SCG3: variants seen among roughly 807,000 people sequenced by gnomAD.
SCG3 encodes secretogranin-3.
In SCG3, 38 loss-of-function variants were observed where a neutral mutation model predicts 56.2. The ratio of observed to expected loss-of-function variants is 0.68; its 90% CI spans 0.52 to 0.89. The LOEUF is 0.89. Among genes scored for constraint, SCG3 ranks in the 40% least tolerant of loss-of-function variants. The pLI is 0.00. For missense variants in SCG3, 524 were observed against 540.7 expected (o/e 0.97, Z 0.31); for synonymous variants, 176 against 184.2 (o/e 0.96, Z 0.36).
At chr15:51,702,162 T>C (rs747163952) in intron 10 of SCG3, among the ~76,000 whole-genome samples, 4 of 152,222 alleles carry the variant, frequency 2.6e-5, no homozygotes, top group Non-Finnish European at 4.4e-5. Context: ...TTTTAAGGAC[T>C]TGATAAAAAT....
At chr15:51,704,240 C>CATATATATATATATATATATAT (rs1314214604) in intron 10 of SCG3, among the ~76,000 whole-genome samples, 1 of 58,822 alleles carries the variant, frequency 1.7e-5, no homozygotes, top group Non-Finnish European at 3.2e-5. Flanking sequence ...TACATACATA[C>CATATATATATATATATATATAT]ATACATATAT....
At chr15:51,699,716 A>G (rs545264142) in intron 9 of SCG3, among the ~76,000 whole-genome samples, 6 of 152,164 alleles carry the variant, frequency 3.9e-5, no homozygotes, top group Admixed American at 3.3e-4. Context: ...ATTCTCCTTT[A>G]GGTATCTTCT....
At chr15:51,699,510 G>A (rs764104864) in intron 9 of SCG3, 108 bp downstream of exon 9, 11 of 820,236 alleles carry the variant, frequency 1.3e-5, no homozygotes, top group Non-Finnish European at 1.9e-5. Flanking sequence ...TTTGAAAAGT[G>A]TTAAAATCTG....
At chr15:51,697,580 C>T (rs778752199) in intron 8 of SCG3, among the ~76,000 whole-genome samples, 4 of 152,128 alleles carry the variant, frequency 2.6e-5, no homozygotes, top group Non-Finnish European at 5.9e-5. Flanking sequence ...CTCATCATTG[C>T]AGAAAGTTCT....
At chr15:51,689,173 A>G in intron 5 of SCG3, 46 bp from the exon 6 acceptor site, 1 of 1,578,344 alleles carries the variant, frequency 6.3e-7, no homozygotes, top group Non-Finnish European at 8.7e-7. Flanking sequence ...TTTAATAACA[A>G]GACTGGGAAT....
Position 51,682,914 on chromosome 15 carries a change from A to T in SCG3, c.136-165A>T, listed in dbSNP as rs74013501. ...AACACTGACTGAGCATCTACCCTTA[A>T]TTTTATCTCATTTAATTATTATAAC... is the stretch of plus-strand genomic sequence containing the variant. On this transcript the variant is annotated intron_variant, in intron 2 of 11. Coordinates refer to ENST00000220478, the MANE Select transcript of SCG3 (RefSeq NM_013243.4). 5.4e-3 allele frequency among the ~76,000 whole-genome samples: 816 copies of T among 152,298 alleles called. 9 individuals carry two copies. The highest frequency in any genetic ancestry group is 0.019 in the African/African-American group (782 of 41,572).
intron 4 of SCG3, among the ~76,000 whole-genome samples, chr15:51,688,010 T>G (rs921001642): frequency 6.6e-6 from 1 of 152,216 alleles, no homozygotes; most frequent in African/African-American, 2.4e-5. Flanking sequence ...ACTACTTTTC[T>G]GTTGCCTTTA....
intron 11 of SCG3, among the ~76,000 whole-genome samples, chr15:51,717,943 C>T (rs2055468892): frequency 6.6e-6 from 1 of 152,168 alleles, no homozygotes; most frequent in Admixed American, 6.5e-5. Context: ...TTCCTTCCTC[C>T]AGGGTACAGG....
At chr15:51,697,938 C>A (rs2055314382) in intron 8 of SCG3, among the ~76,000 whole-genome samples, 1 of 152,074 alleles carries the variant, frequency 6.6e-6, no homozygotes, top group African/African-American at 2.4e-5. Flanking sequence ...ACCCTTAGAT[C>A]CCAAGGGGCT....
chr15:51,699,425 T>A (rs2055325798), intron 9 of SCG3, 23 bp downstream of exon 9: 1 of 1,460,094 alleles, frequency 6.8e-7, no homozygotes, highest in South Asian at 1.2e-5. Context: ...AACTATTTTT[T>A]TAGCCTTTAG....
intron 10 of SCG3, among the ~76,000 whole-genome samples, chr15:51,703,581 T>C (rs1411938930): frequency 6.6e-6 from 1 of 152,224 alleles, no homozygotes; most frequent in African/African-American, 2.4e-5. Flanking sequence ...GGATATTCTA[T>C]ACCCACTCTG....
chr15:51,695,096 G>C (rs1437913305), intron 7 of SCG3, among the ~76,000 whole-genome samples: 2 of 151,848 alleles, frequency 1.3e-5, no homozygotes, highest in Admixed American at 1.3e-4. Flanking sequence ...AAGGGAGTTA[G>C]AGGGGATGAG....
At chr15:51,681,940 G>C in intron 1 of SCG3, 103 bp downstream of exon 1, 1 of 838,686 alleles carries the variant, frequency 1.2e-6, no homozygotes, top group South Asian at 1.5e-5. Context: ...CGCGTTTTCT[G>C]ATCAAATCAT....
At chr15:51,696,523 C>T (rs1353117832) in intron 8 of SCG3, among the ~76,000 whole-genome samples, 1 of 152,088 alleles carries the variant, frequency 6.6e-6, no homozygotes, top group Non-Finnish European at 1.5e-5. Context: ...GGCACTCCAG[C>T]CTGGGCCACA....
intron 3 of SCG3, 32 bp from the exon 4 acceptor site, chr15:51,683,187 T>A (rs1239551222): frequency 6.2e-7 from 1 of 1,604,742 alleles, no homozygotes; most frequent in Admixed American, 1.7e-5. Flanking sequence ...TGAACTAAAA[T>A]GGCTGTGTTG....
intron 10 of SCG3, among the ~76,000 whole-genome samples, chr15:51,711,979 C>G (rs1199608041): frequency 6.6e-6 from 1 of 152,118 alleles, no homozygotes; most frequent in Non-Finnish European, 1.5e-5. Context: ...GGAACATGGG[C>G]AACTCTTAGG....
intron 6 of SCG3, among the ~76,000 whole-genome samples, chr15:51,690,019 A>C (rs928322921): frequency 2.0e-5 from 3 of 152,194 alleles, no homozygotes; most frequent in African/African-American, 7.2e-5. Context: ...GCAAGCAAAC[A>C]TCTCACAGTT....
At chr15:51,717,767 C>T (rs1211584031) in intron 11 of SCG3, among the ~76,000 whole-genome samples, 1 of 152,184 alleles carries the variant, frequency 6.6e-6, no homozygotes, top group Non-Finnish European at 1.5e-5. Context: ...TCCACGTGTT[C>T]ACCTATCTGG....
At position 51,719,718 on chromosome 15, in the gene SCG3, T is replaced by C. The variant is rs1006312690; in HGVS notation, c.*192T>C. On this transcript the variant is annotated 3_prime_UTR_variant, in exon 12 of 12. Transcript: ENST00000220478. ...TAAAAACTATCTGAAAGTAAAGTTG[T>C]ATGTAAGCTGAGATTTTGTATACAG... 1.3e-5 allele frequency: 7 copies of C among 557,756 alleles called. No homozygotes were observed. The highest frequency in any genetic ancestry group is 9.5e-5 in the African/African-American group (5 of 52,890). 34.6% of individuals were successfully genotyped at this position (557,756 alleles called of 1,614,324 possible).
Sources: gnomAD v4.1 joint callset for allele counts (sites outside exome capture counted in the v4.1 genomes callset) on GRCh38, gnomAD v4.1.1 for gene constraint, MANE v1.5 for transcripts, NCBI Gene and HGNC (gene_info 2026-07-23, HGNC 2026-07-21) for gene names.